SKIC3: variants seen among roughly 807,000 people sequenced by gnomAD.
The protein encoded by SKIC3 is superkiller complex protein 3.
chr5:95,524,701 G>T, the SKIC3 span: 1 of 1,431,118 alleles, frequency 7.0e-7, no homozygotes, highest in Non-Finnish European at 9.6e-7. Flanking sequence ...TGATTCAGAG[G>T]TGCCAAATTA....
chr5:95,522,303 G>A, the SKIC3 span: 2 of 1,613,128 alleles, frequency 1.2e-6, no homozygotes, highest in South Asian at 1.1e-5. Flanking sequence ...AATGCTGCCT[G>A]TAAACTAAAA....
the SKIC3 span, among the ~76,000 whole-genome samples, chr5:95,473,370 C>G: frequency 6.6e-6 from 1 of 152,274 alleles, no homozygotes; most frequent in Admixed American, 6.5e-5. Flanking sequence ...GCATCCCAAC[C>G]TCCCGAGCTC....
the SKIC3 span, chr5:95,498,324 C>A: frequency 6.4e-7 from 1 of 1,574,390 alleles, no homozygotes; most frequent in South Asian, 1.1e-5. Flanking sequence ...CAAATGCAAC[C>A]ATATCAAGTA....
chr5:95,502,559 G>A, the SKIC3 span, among the ~76,000 whole-genome samples: 1,296 of 152,234 alleles, frequency 8.5e-3, 17 homozygotes, highest in African/African-American at 0.028. Flanking sequence ...AATCCAAGAA[G>A]CCAAAAGACA....
chr5:95,511,167 T>C, the SKIC3 span, among the ~76,000 whole-genome samples: 1 of 152,126 alleles, frequency 6.6e-6, no homozygotes, highest in African/African-American at 2.4e-5. Context: ...TCCCAACACT[T>C]TGGGAGTCCG....
the SKIC3 span, among the ~76,000 whole-genome samples, chr5:95,530,610 C>G: frequency 6.6e-6 from 1 of 152,112 alleles, no homozygotes; most frequent in East Asian, 1.9e-4. Context: ...CCATGCGCTG[C>G]TAGAGACATG....
the SKIC3 span, among the ~76,000 whole-genome samples, chr5:95,486,994 G>A: frequency 7.6e-4 from 115 of 152,304 alleles, no homozygotes; most frequent in South Asian, 0.024. Context: ...GTGTCTGTGT[G>A]GGTGTTGCCA....
chr5:95,505,761 C>G, the SKIC3 span, among the ~76,000 whole-genome samples: 1 of 150,282 alleles, frequency 6.7e-6, no homozygotes, highest in Non-Finnish European at 1.5e-5. Context: ...TGCAGTGAGC[C>G]AAGATCGCGC....
At chr5:95,517,395 T>A in the SKIC3 span, 400 of 1,526,176 alleles carry the variant, frequency 2.6e-4, 2 homozygotes, top group Non-Finnish European at 3.0e-4. Context: ...TGATTATTAC[T>A]TAAAACAGAA....
the SKIC3 span, among the ~76,000 whole-genome samples, chr5:95,501,676 A>G: frequency 6.6e-6 from 1 of 152,068 alleles, no homozygotes. Context: ...TTCACATAGG[A>G]GAAGGGGAAA....
At chr5:95,524,370 TCAGTA>T in the SKIC3 span, 4 of 1,533,640 alleles carry the variant, frequency 2.6e-6, no homozygotes, top group Non-Finnish European at 2.7e-6. Flanking sequence ...AAAAAACAGT[TCAGTA>T]AAGAGTAATT....
At chr5:95,501,774 C>G in the SKIC3 span, among the ~76,000 whole-genome samples, 1 of 152,052 alleles carries the variant, frequency 6.6e-6, no homozygotes, top group Non-Finnish European at 1.5e-5. Flanking sequence ...TCTAATGACT[C>G]TAATATGGGG....
At chr5:95,520,016 A>G in the SKIC3 span, among the ~76,000 whole-genome samples, 1 of 152,044 alleles carries the variant, frequency 6.6e-6, no homozygotes. Context: ...GGAACAACCA[A>G]TAAATACAAA....
At chr5:95,529,135 G>A in the SKIC3 span, 1 of 1,591,634 alleles carries the variant, frequency 6.3e-7, no homozygotes, top group Non-Finnish European at 8.6e-7. Flanking sequence ...AAAAAACAAG[G>A]TTTCTGTGAC....
the SKIC3 span, chr5:95,512,344 T>C: frequency 2.0e-6 from 2 of 994,260 alleles, no homozygotes; most frequent in South Asian, 3.3e-5. Flanking sequence ...ACTGCTTCGC[T>C]GTTGCAAAAA....
chr5:95,514,610 G>T, the SKIC3 span, among the ~76,000 whole-genome samples: 1 of 152,110 alleles, frequency 6.6e-6, no homozygotes, highest in African/African-American at 2.4e-5. Flanking sequence ...GTGGCCTTAG[G>T]AATGACACTT....
the SKIC3 span, among the ~76,000 whole-genome samples, chr5:95,496,790 T>C: frequency 7.2e-5 from 11 of 152,272 alleles, no homozygotes; most frequent in African/African-American, 2.6e-4. Context: ...AGACTTCAGA[T>C]GTTGGAATTA....
chr5:95,546,950 T>G, the SKIC3 span: 1 of 1,035,136 alleles, frequency 9.7e-7, no homozygotes, highest in Non-Finnish European at 1.5e-6. Context: ...TTCTACTAAA[T>G]GGCCTTACCA....
At chr5:95,553,450 G>T in the SKIC3 span, among the ~76,000 whole-genome samples, 1 of 152,298 alleles carries the variant, frequency 6.6e-6, no homozygotes, top group South Asian at 2.1e-4. Context: ...TTTTATGAGA[G>T]AGCCCACTTG....
Sources: gnomAD v4.1 joint callset for allele counts (sites outside exome capture counted in the v4.1 genomes callset) on GRCh38, gnomAD v4.1.1 for gene constraint, MANE v1.5 for transcripts, NCBI Gene and HGNC (gene_info 2026-07-23, HGNC 2026-07-21) for gene names.